GARNL3: variants seen among roughly 807,000 people sequenced by gnomAD.
GARNL3 encodes GTPase activating Rap/RanGAP domain like 3.
GARNL3 carries 63 observed loss-of-function variants against 125.0 expected under a neutral mutation model. The observed-to-expected ratio is 0.50, with a 90% confidence interval of 0.41 to 0.62. The LOEUF (loss-of-function observed/expected upper bound fraction) is 0.62. Among genes scored for constraint, GARNL3 ranks in the 20% least tolerant of loss-of-function variants. The pLI is 0.00. For synonymous variants in GARNL3, 439 were observed against 457.5 expected, an observed-to-expected ratio of 0.96 and a Z score of 0.52; for missense variants, 994 against 1,244.0, an observed-to-expected ratio of 0.80 and a Z score of 3.02.
intron 1 of GARNL3, among the ~76,000 whole-genome samples, chr9:127,238,694 C>A (rs1164701309): frequency 1.3e-5 from 2 of 152,174 alleles, no homozygotes; most frequent in Non-Finnish European, 2.9e-5. Flanking sequence ...CTTCTGAAAT[C>A]TGCCTATTGC....
At chr9:127,276,537 G>A (rs1030687695) in intron 1 of GARNL3, among the ~76,000 whole-genome samples, 3 of 152,168 alleles carry the variant, frequency 2.0e-5, no homozygotes, top group Admixed American at 2.0e-4. Flanking sequence ...ATTGAGTCCA[G>A]ATTTCTATCC....
intron 7 of GARNL3, among the ~76,000 whole-genome samples, chr9:127,326,151 G>A (rs920995494): frequency 6.6e-6 from 1 of 152,124 alleles, no homozygotes; most frequent in Non-Finnish European, 1.5e-5. Context: ...GACCTTCCCT[G>A]ACCACTCTGT....
intron 2 of GARNL3, among the ~76,000 whole-genome samples, chr9:127,298,628 C>T (rs1321089531): frequency 6.6e-6 from 1 of 152,100 alleles, no homozygotes; most frequent in Non-Finnish European, 1.5e-5. Context: ...TTGTAATGAA[C>T]ACCTTCATCC....
Position 127,256,029 on chromosome 9 carries a change from A to C in GARNL3, c.144-8923A>C, listed in dbSNP as rs76645121. On this transcript the variant is annotated intron_variant, in intron 2 of 10. Coordinates refer to the GARNL3 transcript ENST00000439286. The stretch of plus-strand genomic sequence containing the variant: ...TCAAGGGATTTCCCCAAAGAAGTAG[A>C]TCTGCAGGTGGTTAAGGGAGGTATG... 5.9e-3 allele frequency among the ~76,000 whole-genome samples: 900 copies of C among 152,326 alleles called. 23 individuals carry two copies. In the East Asian group the frequency reaches 0.086, roughly 15 times the overall value.
At chr9:127,343,379 T>A (rs1477028879) in intron 14 of GARNL3, among the ~76,000 whole-genome samples, 2 of 152,128 alleles carry the variant, frequency 1.3e-5, no homozygotes, top group African/African-American at 4.8e-5. Context: ...ATGATGTCCT[T>A]CAAGATAAGT....
rs553861706 is a variant in GARNL3, at chr9:127,336,221, C to T, written c.967C>T (p.Arg323Cys). ...TCCTGCCTTTAAGCCTTCCATGATC[C>T]GCTCCCACTTTACACGTATCCTGGG... ...SSPAFKPSMI[R>C]SHFTHIFALV... The change falls in exon 11 of 28, where the codon CGC (arginine) becomes TGC (cysteine). Residue 323 changes from arginine to cysteine, a missense_variant. Coordinates refer to ENST00000373387, the MANE Select transcript of GARNL3 (RefSeq NM_032293.5). The T allele has an allele frequency of 1.9e-5, 31 of 1,612,194 alleles. No homozygotes were observed. The highest frequency in any genetic ancestry group is 3.3e-5 in the South Asian group (3 of 91,012).
chr9:127,290,720 AC>A (rs2064388852), intron 1 of GARNL3, among the ~76,000 whole-genome samples: 1 of 152,158 alleles, frequency 6.6e-6, no homozygotes, highest in African/African-American at 2.4e-5. Context: ...ACTGTTTAAA[AC>A]TGAATGAAGC....
chr9:127,278,958 G>T (rs2064031472), intron 1 of GARNL3, among the ~76,000 whole-genome samples: 1 of 152,058 alleles, frequency 6.6e-6, no homozygotes, highest in African/African-American at 2.4e-5. Context: ...CATCAGTCAT[G>T]GGATTTAAGT....
At chr9:127,324,304 A>G (rs1372914464) in intron 6 of GARNL3, among the ~76,000 whole-genome samples, 1 of 152,200 alleles carries the variant, frequency 6.6e-6, no homozygotes, top group Non-Finnish European at 1.5e-5. Flanking sequence ...TGAGTTCTGA[A>G]TGAAAGAGGC....
intron 22 of GARNL3, chr9:127,367,208 C>T (rs1323296105): frequency 3.3e-5 from 5 of 152,218 alleles, no homozygotes; most frequent in Admixed American, 6.5e-5. Context: ...CTAACTCATT[C>T]CTGCACACAC....
intron 21 of GARNL3, among the ~76,000 whole-genome samples, chr9:127,357,732 G>A (rs776130889): frequency 3.3e-5 from 5 of 151,784 alleles, no homozygotes; most frequent in Admixed American, 2.6e-4. Flanking sequence ...GAGCCCAGGA[G>A]TTCGAGACTG....
In GARNL3 at chr9:127,240,914, A is replaced by T. The variant is rs540346293; in HGVS notation, c.-28-2165A>T. On this transcript the variant is annotated intron_variant, in intron 1 of 10. Coordinates refer to the GARNL3 transcript ENST00000439286. ...CAGAGTGAGACCCTGTCTCAAAAAA[A>T]TTTTTTTTAATTAAAATCATTCTAA... Among the ~76,000 whole-genome samples the T allele has an allele frequency of 2.3e-4, 35 of 152,260 alleles. No homozygotes were observed. In the East Asian group the frequency reaches 4.4e-3, roughly 19 times the overall value.
rs1425905758 is a variant in GARNL3 at position 127,387,321 on chromosome 9, C to T, written c.2517C>T (p.Ser839=). 1 of 1,611,334 alleles carries T rather than the reference C, an allele frequency of 6.2e-7. No individual in the cohort carries two copies. The highest frequency in any genetic ancestry group is 1.1e-5 in the South Asian group (1 of 90,476). The change falls in exon 25 of 28, where the codon TCC becomes TCT. Residue 839 remains serine, a synonymous_variant. Coordinates refer to ENST00000373387, the MANE Select transcript of GARNL3 (RefSeq NM_032293.5). The stretch of plus-strand genomic sequence containing the variant: ...GAGATACTCCAGTATTTCCTTCTTC[C>T]CTGGGGGAAGGTGAAGTCCAAGTTT... ...PGRDTPVFPS[S]LGEGEIQSKN...
At chr9:127,237,396 A>C (rs1460447686) in intron 1 of GARNL3, among the ~76,000 whole-genome samples, 1 of 152,218 alleles carries the variant, frequency 6.6e-6, no homozygotes, top group Non-Finnish European at 1.5e-5. Flanking sequence ...CTCAGTTCCA[A>C]GTCAGAGTCT....
intron 13 of GARNL3, among the ~76,000 whole-genome samples, chr9:127,340,619 C>T (rs112127467): frequency 6.7e-5 from 10 of 150,092 alleles, no homozygotes; most frequent in African/African-American, 1.7e-4. Flanking sequence ...TCACTGTTGC[C>T]GTGCAGCTCT....
At chr9:127,325,370 A>G (rs2065537455) in intron 7 of GARNL3, among the ~76,000 whole-genome samples, 1 of 152,186 alleles carries the variant, frequency 6.6e-6, no homozygotes, top group Non-Finnish European at 1.5e-5. Context: ...AGGGTGAGTA[A>G]TGAGGTTTTA....
At chr9:127,343,242 G>A (rs909899774) in intron 14 of GARNL3, among the ~76,000 whole-genome samples, 13 of 152,112 alleles carry the variant, frequency 8.5e-5, no homozygotes, top group African/African-American at 2.4e-4. Flanking sequence ...TTGTCTGGTC[G>A]GTGTACCCCA....
chr9:127,353,986 A>G, intron 18 of GARNL3, 42 bp downstream of exon 18: 1 of 1,340,278 alleles, frequency 7.5e-7, no homozygotes, highest in Non-Finnish European at 1.1e-6. Flanking sequence ...AGGAAGGAAA[A>G]CAGTTGCCTT....
intron 1 of GARNL3, among the ~76,000 whole-genome samples, chr9:127,283,098 C>T (rs1348652488): frequency 4.6e-5 from 7 of 152,090 alleles, no homozygotes; most frequent in Non-Finnish European, 1.0e-4. Flanking sequence ...AGACCAAGGC[C>T]TCCACTCAGG....
Sources: allele counts gnomAD v4.1 joint callset (sites outside exome capture counted in the v4.1 genomes callset), GRCh38; gene constraint gnomAD v4.1.1; transcripts MANE v1.5; gene names NCBI Gene and HGNC (gene_info 2026-07-23, HGNC 2026-07-21).